MARCHF1: variants seen among roughly 807,000 people sequenced by gnomAD.
MARCHF1 encodes E3 ubiquitin-protein ligase MARCHF1.
MARCHF1 carries 40 observed loss-of-function variants against 54.2 expected under a neutral mutation model. The observed-to-expected ratio is 0.74, with a 90% CI of 0.57 to 0.96. MARCHF1 has a LOEUF of 0.96. Ranked by LOEUF, MARCHF1 falls within the 40% of genes least tolerant of loss-of-function variation. MARCHF1 has a pLI of 0.00. For missense variants in MARCHF1, 586 were observed against 656.5 expected, an observed-to-expected ratio of 0.89 and a Z score of 1.17; for synonymous variants, 236 against 236.3, an observed-to-expected ratio of 1.00 and a Z score of 0.01.
intron 8 of MARCHF1, among the ~76,000 whole-genome samples, chr4:163,571,602 T>C (rs139484720): frequency 2.0e-5 from 3 of 152,282 alleles, no homozygotes; most frequent in African/African-American, 7.2e-5. Flanking sequence ...CAAAATTTGT[T>C]AACTTTGTTT....
At chr4:164,219,920 A>G (rs1237840553) in intron 1 of MARCHF1, among the ~76,000 whole-genome samples, 2 of 151,994 alleles carry the variant, frequency 1.3e-5, no homozygotes, top group African/African-American at 4.8e-5. Flanking sequence ...CTGGACCCAG[A>G]CACGGTGAAG....
Position 163,982,968 on chromosome 4 carries a change from G to T in MARCHF1, c.-39+5533C>A, listed in dbSNP as rs559865018. Among the ~76,000 whole-genome samples, 167 of 152,252 alleles carry T rather than the reference G, an allele frequency of 1.1e-3. 5 individuals are homozygous for T. Among genetic ancestry groups the T allele is most frequent in the Admixed American group, 0.011 (167 of 15,290 alleles). ...ACCAAGACAGAGTATTGTGATACAC[G>T]GATTATTTTAAGCCAGTGAAGGCCC... On this transcript the variant is annotated intron_variant, in intron 3 of 9. Coordinates refer to ENST00000514618, the MANE Select transcript of MARCHF1 (RefSeq NM_001394959.1).
intron 3 of MARCHF1, among the ~76,000 whole-genome samples, chr4:163,965,447 A>T (rs1468219545): frequency 6.6e-6 from 1 of 152,010 alleles, no homozygotes; most frequent in Non-Finnish European, 1.5e-5. Context: ...GACGGATATA[A>T]GACAGAGAAT....
At chr4:163,978,496 T>C (rs1752692674) in intron 3 of MARCHF1, among the ~76,000 whole-genome samples, 1 of 152,152 alleles carries the variant, frequency 6.6e-6, no homozygotes, top group African/African-American at 2.4e-5. Flanking sequence ...CTTTATGAGG[T>C]AGTTCTCATA....
chr4:164,339,032 AAT>A (rs1208276608), intron 1 of MARCHF1, among the ~76,000 whole-genome samples: 1 of 152,142 alleles, frequency 6.6e-6, no homozygotes, highest in Non-Finnish European at 1.5e-5. Flanking sequence ...AAGCATTGTA[AAT>A]ATATATATGC....
At chr4:163,782,828 G>C (rs186364058) in intron 4 of MARCHF1, among the ~76,000 whole-genome samples, 5 of 152,218 alleles carry the variant, frequency 3.3e-5, no homozygotes, top group Admixed American at 6.6e-5. Context: ...TGAAGTACTA[G>C]AACTAGGATT....
chr4:163,927,518 A>C (rs1418194245), intron 3 of MARCHF1, among the ~76,000 whole-genome samples: 3 of 151,840 alleles, frequency 2.0e-5, no homozygotes, highest in East Asian at 3.8e-4. Flanking sequence ...CTGCCGTTAT[A>C]TTTTCAGTGC....
intron 2 of MARCHF1, among the ~76,000 whole-genome samples, chr4:164,060,601 C>A (rs1754595145): frequency 6.6e-6 from 1 of 151,950 alleles, no homozygotes; most frequent in Admixed American, 6.6e-5. Context: ...ATTTCCAGGA[C>A]AAAATGGAAA....
intron 1 of MARCHF1, among the ~76,000 whole-genome samples, chr4:164,262,633 G>C (rs897337131): frequency 5.9e-5 from 9 of 152,206 alleles, no homozygotes; most frequent in Admixed American, 4.6e-4. Context: ...CAAGTGATGG[G>C]CTGAAGTGAA....
At chr4:163,934,802 T>C (rs1751759295) in intron 3 of MARCHF1, among the ~76,000 whole-genome samples, 1 of 151,972 alleles carries the variant, frequency 6.6e-6, no homozygotes, top group Non-Finnish European at 1.5e-5. Context: ...CAACTGAACT[T>C]GACCGAACTG....
At chr4:164,231,392 C>T (rs1732410447) in intron 1 of MARCHF1, among the ~76,000 whole-genome samples, 1 of 151,842 alleles carries the variant, frequency 6.6e-6, no homozygotes, top group Non-Finnish European at 1.5e-5. Flanking sequence ...TTTAGAAATG[C>T]CAATTGTTAT....
At position 163,527,825 on chromosome 4, in the gene MARCHF1, A is replaced by G. The variant is rs1469404246; in HGVS notation, c.*923T>C. The G allele has an allele frequency of 2.1e-5, 3 of 142,902 alleles. No individual in the cohort carries two copies. Among genetic ancestry groups the G allele is most frequent in the South Asian group, 2.2e-4 (1 of 4,528 alleles). 8.9% of individuals were successfully genotyped at this position (142,902 alleles called of 1,614,324 possible). On this transcript the variant is annotated 3_prime_UTR_variant, in exon 10 of 10. Transcript: ENST00000514618. ...AGAAACAGATGTAAACTATCAATCA[A>G]TCAATCAATTTTTTATATTGATGAC...
intron 1 of MARCHF1, among the ~76,000 whole-genome samples, chr4:164,276,539 G>GTA (rs201624893): frequency 0.021 from 3,125 of 149,812 alleles, 111 homozygotes; most frequent in East Asian, 0.13. Flanking sequence ...ACGTGTGTGT[G>GTA]TATATATATA....
In MARCHF1 at chr4:163,764,095, C is replaced by T. The variant is rs577346187; in HGVS notation, c.112-63232G>A. ...CTAGACTAATTGACTTTCTTCTATT[C>T]GTCTGTGCCTAAGTCAACTTACTGA... On this transcript the variant is annotated intron_variant, in intron 4 of 9. Transcript: ENST00000514618. Among the ~76,000 whole-genome samples, 4 of 152,152 alleles carry T rather than the reference C, an allele frequency of 2.6e-5. No individual in the cohort carries two copies. The South Asian group carries it at 6.2e-4, about 24-fold the overall frequency.
At chr4:163,762,648 A>T (rs1002021344) in intron 4 of MARCHF1, among the ~76,000 whole-genome samples, 1 of 152,084 alleles carries the variant, frequency 6.6e-6, no homozygotes, top group African/African-American at 2.4e-5. Flanking sequence ...TGTTATAATG[A>T]CTTAAAATTA....
chr4:163,998,187 A>T (rs1407529172), intron 2 of MARCHF1, among the ~76,000 whole-genome samples: 1 of 151,330 alleles, frequency 6.6e-6, no homozygotes, highest in Non-Finnish European at 1.5e-5. Flanking sequence ...AATAAATCAG[A>T]AGACTTATTA....
chr4:163,723,401 T>C (rs1745543113), intron 4 of MARCHF1, among the ~76,000 whole-genome samples: 1 of 152,214 alleles, frequency 6.6e-6, no homozygotes, highest in Admixed American at 6.5e-5. Flanking sequence ...CAGCTGTTAG[T>C]CTGGTGGGCT....
At chr4:163,573,431 T>G (rs1160976837) in intron 8 of MARCHF1, among the ~76,000 whole-genome samples, 8 of 150,586 alleles carry the variant, frequency 5.3e-5, no homozygotes, top group African/African-American at 1.9e-4. Flanking sequence ...CATCTAGCAT[T>G]AGGTATATCT....
At chr4:164,084,415 A>T (rs1275831469) in intron 2 of MARCHF1, among the ~76,000 whole-genome samples, 1 of 151,912 alleles carries the variant, frequency 6.6e-6, no homozygotes, top group African/African-American at 2.4e-5. Flanking sequence ...GGTATATTTT[A>T]GATACTCAAC....
Sources: allele counts gnomAD v4.1 joint callset (sites outside exome capture counted in the v4.1 genomes callset), GRCh38; gene constraint gnomAD v4.1.1; transcripts MANE v1.5; gene names NCBI Gene and HGNC (gene_info 2026-07-23, HGNC 2026-07-21).